ZMYM5: variants seen among roughly 807,000 people sequenced by gnomAD.
The protein encoded by ZMYM5 is zinc finger MYM-type containing 5, also known as zinc finger MYM-type protein 5.
In ZMYM5, 41 loss-of-function variants were observed where a neutral mutation model predicts 61.8. That is an observed-to-expected ratio of 0.66 (90% CI 0.52 to 0.86). The LOEUF (loss-of-function observed/expected upper bound fraction) is 0.86. Ranked by LOEUF, ZMYM5 falls within the 40% of genes least tolerant of loss-of-function variation. The pLI, the probability that ZMYM5 is intolerant of heterozygous loss-of-function variation, is 0.00. For missense variants in ZMYM5, 706 were observed against 786.7 expected (o/e 0.90, Z 1.23); for synonymous variants, 257 against 276.4 (o/e 0.93, Z 0.70).
chr13:19,858,952 AT>A (rs1258995643), intron 2 of ZMYM5, among the ~76,000 whole-genome samples: 1 of 151,916 alleles, frequency 6.6e-6, no homozygotes, highest in Non-Finnish European at 1.5e-5. Flanking sequence ...GATTCTAAAA[AT>A]TTTTTCTTTG....
intron 4 of ZMYM5, chr13:19,842,117 T>C (rs56023176): frequency 0.083 from 12,590 of 152,140 alleles, 562 homozygotes; most frequent in Middle Eastern, 0.13. Flanking sequence ...GCCTGGCCAA[T>C]CCTATTTTCA....
At chr13:19,834,953 G>A (rs193260080) in intron 7 of ZMYM5, among the ~76,000 whole-genome samples, 1 of 151,558 alleles carries the variant, frequency 6.6e-6, no homozygotes, top group Admixed American at 6.6e-5. Context: ...CCAAAGTGCT[G>A]GGATTACAAG....
intron 4 of ZMYM5, among the ~76,000 whole-genome samples, chr13:19,849,728 C>A (rs1953215530): frequency 6.6e-6 from 1 of 151,916 alleles, no homozygotes; most frequent in Non-Finnish European, 1.5e-5. Context: ...GCCTGTAATC[C>A]CAGCACTTTG....
In ZMYM5 at chr13:19,825,169, C is replaced by G. The variant is rs1566082505; in HGVS notation, c.1318G>C (p.Glu440Gln). 4 of 1,307,278 alleles carry G rather than the reference C, an allele frequency of 3.1e-6. No homozygotes were observed. Among genetic ancestry groups the G allele is most frequent in the Non-Finnish European group, 4.0e-6 (4 of 993,324 alleles). 81.0% of individuals were successfully genotyped at this position (1,307,278 alleles called of 1,614,324 possible). Residue 440 changes from glutamate (E) to glutamine (Q), a missense_variant, in exon 8 of 8, where the codon GAA becomes CAA. By Grantham distance (29) the Glu-to-Gln change is conservative. Transcript: ENST00000337963. The part of the protein sequence containing the change: ...ENRKRNAFRE[E>Q]NEKQLYGSSN... ...GATCCATATAATTGTTTCTCATTTTCTTCTCTAAAAGCATTCCTTTTTCTA... is the reference window on the plus strand; with the variant it reads ...GATCCATATAATTGTTTCTCATTTTGTTCTCTAAAAGCATTCCTTTTTCTA...
chr13:19,838,713 T>C lies in ZMYM5; in HGVS notation c.859A>G (p.Ile287Val), dbSNP rs1484068165. 4 of 1,614,070 alleles carry C rather than the reference T, an allele frequency of 2.5e-6. No individual in the cohort carries two copies. In the African/African-American group the frequency reaches 4.0e-5, roughly 16 times the overall value. ...SHKRTQNTRS[I>V]ICKKDASTKK... ...GGTACTGCTTACTTTTTACATATTATGCTTCGTGTGTTTTGAGTACGTTTA... is the reference window on the plus strand; with the variant it reads ...GGTACTGCTTACTTTTTACATATTACGCTTCGTGTGTTTTGAGTACGTTTA... The change falls in exon 5 of 8, where the codon ATA becomes GTA. Residue 287 changes from isoleucine (I) to valine (V), a missense_variant. Physicochemically the swap from Ile to Val is conservative, Grantham distance 29. This residue lies in a region of ZMYM5 where 480 missense variants were observed against 461.7 expected (regional missense o/e 1.04). Coordinates refer to ENST00000337963, the MANE Select transcript of ZMYM5 (RefSeq NM_001142684.2).
Position 19,844,087 on chromosome 13 carries a change from G to A in ZMYM5, c.587-5102C>T, listed in dbSNP as rs1044625599. On this transcript the variant is annotated intron_variant, in intron 4 of 7. Transcript: ENST00000337963. ...CGGGAGGCAGAGCTTTCAGTGAGCC[G>A]AGATCGCCCCACTGCACTCCAGCCT... Among the ~76,000 whole-genome samples, 10 of 149,628 alleles carry A rather than the reference G, an allele frequency of 6.7e-5. No homozygotes were observed. The South Asian group carries it at 8.4e-4, about 13-fold the overall frequency.
At chr13:19,862,998 G>A (rs1181613171) in intron 1 of ZMYM5, among the ~76,000 whole-genome samples, 1 of 152,220 alleles carries the variant, frequency 6.6e-6, no homozygotes, top group Non-Finnish European at 1.5e-5. Context: ...GCGAAGGAGG[G>A]GACCCAGCGG....
Position 19,852,009 on chromosome 13 carries a change from C to G in ZMYM5, c.172G>C (p.Asp58His). 1 of 1,613,866 alleles carries G rather than the reference C, an allele frequency of 6.2e-7. No individual in the cohort carries two copies. The highest frequency in any genetic ancestry group is 8.5e-7 in the Non-Finnish European group (1 of 1,179,946). ...NSPVEDDDDD[D>H]DVVFIESIQP... is the part of the protein sequence containing the mutation. ...ATAGATTCAATAAACACAACATCAT[C>G]ATCATCATCATCATCTTCCACTGGT... is the stretch of plus-strand genomic sequence containing the variant. Residue 58 changes from aspartate (D) to histidine (H), a missense_variant, in exon 3 of 8, where the codon GAT (aspartate) becomes CAT (histidine). This residue lies in a region of ZMYM5 where 480 missense variants were observed against 461.7 expected (regional missense o/e 1.04). Coordinates refer to ENST00000337963, the MANE Select transcript of ZMYM5 (RefSeq NM_001142684.2).
At chr13:19,845,519 A>G (rs781253229) in intron 4 of ZMYM5, among the ~76,000 whole-genome samples, 7 of 152,200 alleles carry the variant, frequency 4.6e-5, no homozygotes, top group Non-Finnish European at 1.0e-4. Flanking sequence ...AGACCCCACA[A>G]GTTTAAAGGC....
chr13:19,859,250 CG>C (rs1953632741), intron 2 of ZMYM5, among the ~76,000 whole-genome samples: 1 of 152,098 alleles, frequency 6.6e-6, no homozygotes. Flanking sequence ...CTCTTCCCTG[CG>C]GAACTAAGAA....
intron 7 of ZMYM5, among the ~76,000 whole-genome samples, chr13:19,830,241 T>C (rs1285563527): frequency 6.6e-6 from 1 of 152,208 alleles, no homozygotes; most frequent in Non-Finnish European, 1.5e-5. Context: ...TTCTTATGTG[T>C]TGGCCTTTTC....
chr13:19,835,725 A>G (rs1421957233), intron 6 of ZMYM5, 36 bp from the exon 7 acceptor site: 1 of 1,340,690 alleles, frequency 7.5e-7, no homozygotes, highest in African/African-American at 1.5e-5. Flanking sequence ...ACTAAGATAT[A>G]TGAACCAGAT....
rs1223212663 is a variant in ZMYM5, at chr13:19,851,880, G to A, written c.301C>T (p.Pro101Ser). 1 of 1,611,944 alleles carries A rather than the reference G, an allele frequency of 6.2e-7. No homozygotes were observed. The highest frequency in any genetic ancestry group is 2.2e-5 in the East Asian group (1 of 44,850). The change falls in exon 3 of 8, where the codon CCT becomes TCT. Residue 101 changes from proline (P) to serine (S), a missense_variant. Coordinates refer to ENST00000337963, the MANE Select transcript of ZMYM5 (RefSeq NM_001142684.2). The stretch of plus-strand genomic sequence containing the variant: ...TGAGATGCCAAATCTCTTGAAGAAG[G>A]AGGAATTACAGAATAATTTCCTTGA... The part of the protein sequence containing the change: ...KPQGNYSVIP[P>S]SSRDLASQKG...
At position 19,863,625 on chromosome 13, in the gene ZMYM5, C is replaced by G. The variant is rs1953862333; in HGVS notation, c.-254G>C. The G allele has an allele frequency of 6.6e-6, 1 of 152,508 alleles. No homozygotes were observed. The highest frequency in any genetic ancestry group is 6.5e-5 in the Admixed American group (1 of 15,288). The allele number at this position is 152,508 out of a possible 1,614,324, so 9.4% of individuals were successfully genotyped here. A position where few individuals can be genotyped will look rare whatever the true frequency, so the allele number is the denominator to read the frequency against. The stretch of plus-strand genomic sequence containing the variant: ...AGCACAACTCCGCGAGGTCCAGTCC[C>G]GGCTTTTCGCGCTGGTGAGGAGGCG... On this transcript the variant is annotated 5_prime_UTR_variant, in exon 1 of 8. Coordinates refer to ENST00000337963, the MANE Select transcript of ZMYM5 (RefSeq NM_001142684.2).
At position 19,838,856 on chromosome 13, in the gene ZMYM5, G is replaced by A. The variant is rs373325399; in HGVS notation, c.716C>T (p.Pro239Leu). 4 of 1,614,092 alleles carry A rather than the reference G, an allele frequency of 2.5e-6. No homozygotes were observed. Among genetic ancestry groups the A allele is most frequent in the Non-Finnish European group, 3.4e-6 (4 of 1,180,024 alleles). Reference sequence around the variant, plus strand: ...GCAATTTGCACAAGTGATTTTAGCTGGTTTAGTAAGTTGTTGTTGGGCTGT... The same window carrying A: ...GCAATTTGCACAAGTGATTTTAGCTAGTTTAGTAAGTTGTTGTTGGGCTGT... ...QPTAQQQLTKPAKITCANCKK... is the reference protein window; with the variant it reads ...QPTAQQQLTKLAKITCANCKK... Residue 239 changes from proline (P) to leucine (L), a missense_variant, in exon 5 of 8, where the codon CCA becomes CTA. By Grantham distance (98) the Pro-to-Leu change is moderately conservative. Transcript: ENST00000337963.
At chr13:19,855,374 T>C (rs1953464009) in intron 2 of ZMYM5, among the ~76,000 whole-genome samples, 1 of 152,032 alleles carries the variant, frequency 6.6e-6, no homozygotes, top group Non-Finnish European at 1.5e-5. Flanking sequence ...GCCATTCTCC[T>C]TCCTCAGCCT....
At chr13:19,825,625 CG>C (rs1358195407) in intron 7 of ZMYM5, among the ~76,000 whole-genome samples, 1 of 143,430 alleles carries the variant, frequency 7.0e-6, no homozygotes, top group Non-Finnish European at 1.5e-5. Context: ...CCAGTCTGGG[CG>C]AAAGAGTGAG....
At chr13:19,853,614 T>C (rs1003315266) in intron 2 of ZMYM5, among the ~76,000 whole-genome samples, 10 of 151,756 alleles carry the variant, frequency 6.6e-5, no homozygotes, top group Admixed American at 6.6e-4. Context: ...TTTTTTTTCT[T>C]TCTTTTTTTT....
chr13:19,826,046 TAAAAA>T (rs56181038), intron 7 of ZMYM5, among the ~76,000 whole-genome samples: 1 of 118,886 alleles, frequency 8.4e-6, no homozygotes. Flanking sequence ...ACTCCATGCT[TAAAAA>T]AAAAAAAAAA....
Sources: allele counts gnomAD v4.1 joint callset (sites outside exome capture counted in the v4.1 genomes callset), GRCh38; gene constraint gnomAD v4.1.1; regional missense constraint gnomAD v4.1.1; transcripts MANE v1.5; gene names NCBI Gene and HGNC (gene_info 2026-07-23, HGNC 2026-07-21).